RPL32: variants seen among roughly 807,000 people sequenced by gnomAD.
RPL32 encodes the protein ribosomal protein L32, also known as large ribosomal subunit protein eL32.
For missense variants in RPL32, 117 were observed against 173.7 expected (o/e 0.67, Z 1.83); for synonymous variants, 61 against 62.6 (o/e 0.98, Z 0.12).
chr3:12,839,482 A>T lies in RPL32; in HGVS notation c.145T>A (p.Phe49Ile). The change falls in exon 3 of 4, where the codon TTC (phenylalanine) becomes ATC (isoleucine). Residue 49 changes from phenylalanine (F) to isoleucine (I), a missense_variant. Transcript: ENST00000429711. ...RGIDNRVRRR[F>I]KGQILMPNIG... is the part of the protein sequence containing the mutation. ...TTGGGCATCAAGATCTGGCCCTTGA[A>T]TCTTCTACGAACCCTGTTGTCAATG... 1 of 1,614,170 alleles carries T rather than the reference A, an allele frequency of 6.2e-7. No homozygotes were observed. The highest frequency in any genetic ancestry group is 8.5e-7 in the Non-Finnish European group (1 of 1,180,034).
chr3:12,839,281 C>G, intron 3 of RPL32, 68 bp downstream of exon 3: 1 of 1,445,418 alleles, frequency 6.9e-7, no homozygotes, highest in Non-Finnish European at 9.7e-7. Flanking sequence ...TTGTAGAGTT[C>G]CTGCCAGAAG....
In RPL32 at chr3:12,836,202, A is replaced by G. The variant is rs2124882159; in HGVS notation, c.300T>C (p.Ala100=). The stretch of plus-strand genomic sequence containing the variant: ...TGCGGTTCTTGGAGGAAACATTGTG[A>G]GCGATCTCGGCACAGTAAGATCTGC... The part of the protein sequence containing the change: ...MCNKSYCAEI[A]HNVSSKNRKA... The change falls in exon 4 of 4, where the codon GCT becomes GCC. Residue 100 remains alanine, a synonymous_variant. Coordinates refer to ENST00000429711, the MANE Select transcript of RPL32 (RefSeq NM_000994.4). The G allele has an allele frequency of 1.2e-6, 2 of 1,600,444 alleles. No individual in the cohort carries two copies. Among genetic ancestry groups the G allele is most frequent in the East Asian group, 2.2e-5 (1 of 44,870 alleles).
intron 3 of RPL32, 99 bp downstream of exon 3, chr3:12,839,250 G>A (rs879211518): frequency 8.9e-6 from 10 of 1,119,910 alleles, no homozygotes; most frequent in Middle Eastern, 2.0e-4. Flanking sequence ...AACACCCCCC[G>A]CCAAAATGCA....
chr3:12,839,568 C>A, intron 2 of RPL32, 38 bp from the exon 3 acceptor site: 1 of 1,595,882 alleles, frequency 6.3e-7, no homozygotes. Flanking sequence ...AGCGTCTGTG[C>A]AGAGTGCGAA....
chr3:12,840,087 CTG>C, intron 2 of RPL32, 53 bp downstream of exon 2: 1 of 1,318,230 alleles, frequency 7.6e-7, no homozygotes, highest in Non-Finnish European at 1.1e-6. Context: ...ATGTCAGAAA[CTG>C]TTGGAAACTC....
chr3:12,834,680 T>G lies in RPL32; in HGVS notation c.*1414A>C, dbSNP rs986393704. ...ACCACCCAGGCATAACCAGTTGGTT[T>G]GTTTCCTTCTGAGGAAGGTTTCAAA... On this transcript the variant is annotated 3_prime_UTR_variant, in exon 4 of 4. Coordinates refer to ENST00000429711, the MANE Select transcript of RPL32 (RefSeq NM_000994.4). 2 of 152,498 alleles carry G rather than the reference T, an allele frequency of 1.3e-5. No homozygotes were observed. The highest frequency in any genetic ancestry group is 1.5e-5 in the Non-Finnish European group (1 of 68,162). 9.4% of individuals were successfully genotyped at this position (152,498 alleles called of 1,614,324 possible).
At position 12,839,335 on chromosome 3, in the gene RPL32, G is replaced by T. The variant is rs201215862; in HGVS notation, c.278+14C>A. 4 of 1,613,224 alleles carry T rather than the reference G, an allele frequency of 2.5e-6. No individual in the cohort carries two copies. The South Asian group carries it at 4.4e-5, about 18-fold the overall frequency. On this transcript the variant is annotated intron_variant, in intron 3 of 3. Coordinates refer to ENST00000429711, the MANE Select transcript of RPL32 (RefSeq NM_000994.4). ...CTTCTGATCACTGAAAACTAGAGGT[G>T]GGACCCAACTCACTTGTTGCACATC... is the stretch of plus-strand genomic sequence containing the variant.
chr3:12,837,908 C>T (rs2062112168), intron 3 of RPL32, among the ~76,000 whole-genome samples: 1 of 152,204 alleles, frequency 6.6e-6, no homozygotes, highest in Non-Finnish European at 1.5e-5. Flanking sequence ...CTTTTATACA[C>T]AAAGCTCACC....
At chr3:12,837,443 C>T (rs1002649287) in intron 3 of RPL32, among the ~76,000 whole-genome samples, 1 of 152,220 alleles carries the variant, frequency 6.6e-6, no homozygotes, top group Non-Finnish European at 1.5e-5. Flanking sequence ...TGCCAAGCTG[C>T]GCTTACAGAG....
At chr3:12,840,272 G>T in intron 1 of RPL32, 30 bp from the exon 2 acceptor site, 1 of 1,502,698 alleles carries the variant, frequency 6.7e-7, no homozygotes, top group Non-Finnish European at 9.3e-7. Context: ...CCCAGGTGAG[G>T]AAGAATCCTG....
In RPL32 at chr3:12,834,977, G is replaced by A. The variant is rs768786465; in HGVS notation, c.*1117C>T. 10 of 152,236 alleles carry A rather than the reference G, an allele frequency of 6.6e-5. No homozygotes were observed. The highest frequency in any genetic ancestry group is 8.8e-5 in the Non-Finnish European group (6 of 68,014). The allele number at this position is 152,236 out of a possible 1,614,324, so 9.4% of individuals were successfully genotyped here. On this transcript the variant is annotated 3_prime_UTR_variant, in exon 4 of 4. Transcript: ENST00000429711. ...TTTGCATTATAAATATTTATGACTAGGTTTTGAACAGGAGACAATCTGTAA... is the reference window on the plus strand; with the variant it reads ...TTTGCATTATAAATATTTATGACTAAGTTTTGAACAGGAGACAATCTGTAA...
chr3:12,839,567 G>A (rs562863836), intron 2 of RPL32, 37 bp from the exon 3 acceptor site: 13 of 1,600,820 alleles, frequency 8.1e-6, no homozygotes, highest in Non-Finnish European at 1.1e-5. Flanking sequence ...TAGCGTCTGT[G>A]CAGAGTGCGA....
chr3:12,837,644 G>A (rs1575788811), intron 3 of RPL32, among the ~76,000 whole-genome samples: 1 of 152,302 alleles, frequency 6.6e-6, no homozygotes, highest in African/African-American at 2.4e-5. Flanking sequence ...ATCTTGGAAG[G>A]TAACCACGTT....
rs1384330107 is a variant in RPL32 at position 12,836,082 on chromosome 3, C to T, written c.*12G>A. The T allele has an allele frequency of 6.2e-7, 1 of 1,610,676 alleles. No homozygotes were observed. The highest frequency in any genetic ancestry group is 1.3e-5 in the African/African-American group (1 of 75,026). ...TACATTTATTTAAACAGAAAACGTG[C>T]ACATGAGCTGCCTACTCATTTTCTT... On this transcript the variant is annotated 3_prime_UTR_variant, in exon 4 of 4. Transcript: ENST00000429711.
intron 1 of RPL32, chr3:12,840,944 G>A (rs2062147067): frequency 6.3e-6 from 1 of 157,974 alleles, no homozygotes; most frequent in African/African-American, 2.4e-5. Flanking sequence ...TCTGCCTTCT[G>A]GCCCATGATA....
At chr3:12,840,318 C>A (rs760962496) in intron 1 of RPL32, 76 bp from the exon 2 acceptor site, 3 of 1,041,908 alleles carry the variant, frequency 2.9e-6, no homozygotes, top group Admixed American at 1.7e-5. Flanking sequence ...TGAACACTGT[C>A]GCAGAGTGTC....
chr3:12,834,623 C>T lies in RPL32; in HGVS notation c.*1471G>A, dbSNP rs115599260. 1.5e-3 allele frequency: 228 copies of T among 152,584 alleles called. No individual in the cohort carries two copies. Among genetic ancestry groups the T allele is most frequent in the Non-Finnish European group, 2.1e-3 (141 of 68,262 alleles). The allele number at this position is 152,584 out of a possible 1,614,324, so 9.5% of individuals were successfully genotyped here. ...TTTCTAATTTCAAAATACTTATTAG[C>T]AAATTGGGCAACAATGGGCATCTTC... On this transcript the variant is annotated 3_prime_UTR_variant, in exon 4 of 4. Transcript: ENST00000429711.
intron 3 of RPL32, among the ~76,000 whole-genome samples, chr3:12,838,061 T>G (rs2062113068): frequency 6.6e-6 from 1 of 152,172 alleles, no homozygotes; most frequent in African/African-American, 2.4e-5. Flanking sequence ...TGATCACAGC[T>G]GTGAACAGCC....
At chr3:12,838,232 C>A (rs1241526934) in intron 3 of RPL32, among the ~76,000 whole-genome samples, 1 of 152,160 alleles carries the variant, frequency 6.6e-6, no homozygotes, top group African/African-American at 2.4e-5. Flanking sequence ...CATGGTGAAA[C>A]CTCATCTGTA....
Sources: gnomAD v4.1 joint callset for allele counts (sites outside exome capture counted in the v4.1 genomes callset) on GRCh38, gnomAD v4.1.1 for gene constraint, MANE v1.5 for transcripts, NCBI Gene and HGNC (gene_info 2026-07-23, HGNC 2026-07-21) for gene names.